Variants in THOC1 observed in about 807,000 individuals in gnomAD.
THOC1 encodes the protein THO complex subunit 1.
THOC1 carries 29 observed loss-of-function variants against 97.3 expected under a neutral mutation model. That is an observed-to-expected ratio of 0.30 (90% CI 0.22 to 0.41). The LOEUF is 0.41. Among genes scored for constraint, THOC1 ranks in the 10% least tolerant of loss-of-function variants. The pLI is 1.00. For missense variants in THOC1, 529 were observed against 761.9 expected (o/e 0.69, Z 3.60); for synonymous variants, 255 against 257.0 (o/e 0.99, Z 0.07).
chr18:228,995 C>T (rs1911391330), intron 11 of THOC1, among the ~76,000 whole-genome samples: 1 of 152,188 alleles, frequency 6.6e-6, no homozygotes, highest in South Asian at 2.1e-4. Context: ...ACTACTTTTG[C>T]CTTCAATGAG....
chr18:217,890 G>C (rs142424716), intron 18 of THOC1, among the ~76,000 whole-genome samples: 3 of 152,302 alleles, frequency 2.0e-5, no homozygotes, highest in African/African-American at 7.2e-5. Context: ...AAAGCAGAGG[G>C]GAGGCATGGC....
intron 11 of THOC1, among the ~76,000 whole-genome samples, chr18:231,687 G>A (rs1911490409): frequency 6.6e-6 from 1 of 152,090 alleles, no homozygotes; most frequent in Admixed American, 6.6e-5. Context: ...CATTGTTGAA[G>A]CTCCCTCTAT....
intron 5 of THOC1, 43 bp downstream of exon 5, chr18:260,143 A>G: frequency 2.3e-6 from 3 of 1,280,584 alleles, no homozygotes; most frequent in Non-Finnish European, 3.2e-6. Context: ...TTCTGGATCT[A>G]TAGAAAGATA....
chr18:224,999 GA>G lies in THOC1; in HGVS notation c.1138-6del. 6.4e-7 allele frequency: 1 copy of G among 1,569,140 alleles called. No individual in the cohort carries two copies. The highest frequency in any genetic ancestry group is 8.7e-7 in the Non-Finnish European group (1 of 1,154,876). Reference sequence around the variant, plus strand: ...TTCTTCAGTGTTTAATATATGCTGGGAAAAACAAAGCGATTACATTTTGGTT... The same window carrying G: ...TTCTTCAGTGTTTAATATATGCTGGGAAAACAAAGCGATTACATTTTGGTT... On this transcript the variant is annotated splice_region_variant and splice_polypyrimidine_tract_variant and intron_variant, in intron 14 of 20. Transcript: ENST00000261600.
At position 224,028 on chromosome 18, in the gene THOC1, A is replaced by G. The variant is rs1301803070; in HGVS notation, c.1304+56T>C. ...TTGGATGGAGAGTTCTTAAAGTAACATCTTCAAAATATAAAAATAACTAAG... is the reference window on the plus strand; with the variant it reads ...TTGGATGGAGAGTTCTTAAAGTAACGTCTTCAAAATATAAAAATAACTAAG... On this transcript the variant is annotated intron_variant, in intron 16 of 20. Transcript: ENST00000261600. The G allele has an allele frequency of 3.2e-6, 4 of 1,238,332 alleles. No homozygotes were observed. The Admixed American group carries it at 6.0e-5, about 19-fold the overall frequency. The allele number at this position is 1,238,332 out of a possible 1,614,324, so 76.7% of individuals were successfully genotyped here. A position where few individuals can be genotyped will look rare whatever the true frequency, so the allele number is the denominator to read the frequency against.
At chr18:263,166 C>T (rs1363905670) in intron 4 of THOC1, among the ~76,000 whole-genome samples, 3 of 152,156 alleles carry the variant, frequency 2.0e-5, no homozygotes, top group African/African-American at 7.2e-5. Flanking sequence ...CTGCAAGCTC[C>T]GCCTCCCGGG....
chr18:241,286 C>T (rs925876605), intron 11 of THOC1, among the ~76,000 whole-genome samples: 16 of 152,184 alleles, frequency 1.1e-4, no homozygotes, highest in African/African-American at 2.2e-4. Flanking sequence ...CCACCTTAGC[C>T]GTTACTACAT....
chr18:216,580 C>G lies in THOC1; in HGVS notation c.1508G>C (p.Arg503Thr). 1 of 1,613,938 alleles carries G rather than the reference C, an allele frequency of 6.2e-7. No homozygotes were observed. The highest frequency in any genetic ancestry group is 8.5e-7 in the Non-Finnish European group (1 of 1,179,868). The change falls in exon 19 of 21, where the codon AGA (arginine) becomes ACA (threonine). Residue 503 changes from arginine (R) to threonine (T), a missense_variant. By Grantham distance (71) the Arg-to-Thr change is moderately conservative. Coordinates refer to ENST00000261600, the MANE Select transcript of THOC1 (RefSeq NM_005131.3). ...GWRALRLLARRSPHFFQPTNQ... is the reference protein window; with the variant it reads ...GWRALRLLARTSPHFFQPTNQ... ...GGTTGGCTGGAAGAAGTGAGGGCTTCTCCGTGCTAATAGTCTCAGGGCTCT... is the reference window on the plus strand; with the variant it reads ...GGTTGGCTGGAAGAAGTGAGGGCTTGTCCGTGCTAATAGTCTCAGGGCTCT...
chr18:254,978 G>A lies in THOC1; in HGVS notation c.521-623C>T, dbSNP rs1912392164. On this transcript the variant is annotated intron_variant, in intron 7 of 20. Coordinates refer to ENST00000261600, the MANE Select transcript of THOC1 (RefSeq NM_005131.3). This position sits in a 1 kb window ranked among gnomAD's most constrained non-coding sequence, Gnocchi z 4.1. ...CTACAGGCAAGCACCACCATGCCTG[G>A]CTAAATTTTTTTGTATTTTTAGTAG... 6.6e-6 allele frequency among the ~76,000 whole-genome samples: 1 copy of A among 152,040 alleles called. No individual in the cohort carries two copies.
intron 4 of THOC1, 53 bp from the exon 5 acceptor site, chr18:260,357 T>G (rs925523936): frequency 1.8e-6 from 2 of 1,126,100 alleles, no homozygotes; most frequent in Admixed American, 3.3e-5. Flanking sequence ...TAGAGTAGAA[T>G]AGCCTATGAA....
chr18:246,636 AT>A (rs1370666617), intron 10 of THOC1, among the ~76,000 whole-genome samples, 181 bp from the exon 11 acceptor site: 1 of 152,126 alleles, frequency 6.6e-6, no homozygotes, highest in Admixed American at 6.5e-5. Context: ...TTTGTATGAT[AT>A]TTCACTTGTT....
rs1310052768 is a variant in THOC1, at chr18:261,991, C to T, written c.257-1687G>A. Among the ~76,000 whole-genome samples the T allele has an allele frequency of 2.0e-5, 3 of 152,210 alleles. No homozygotes were observed. In the East Asian group the frequency reaches 5.8e-4, roughly 29 times the overall value. ...TCTCTCCTTACCCTTACCTGGGCCA[C>T]AGACATCCCTTTCTAGTTCCCACTC... On this transcript the variant is annotated intron_variant, in intron 4 of 20. Coordinates refer to ENST00000261600, the MANE Select transcript of THOC1 (RefSeq NM_005131.3).
At chr18:246,598 A>G (rs1338623994) in intron 10 of THOC1, 143 bp from the exon 11 acceptor site, 1 of 639,034 alleles carries the variant, frequency 1.6e-6, no homozygotes, top group Non-Finnish European at 2.6e-6. Flanking sequence ...AATACAAATT[A>G]TGATAGCAGA....
At chr18:259,085 A>T in intron 7 of THOC1, 95 bp downstream of exon 7, 1 of 932,958 alleles carries the variant, frequency 1.1e-6, no homozygotes, top group Non-Finnish European at 1.6e-6. Context: ...TCAACTTTTT[A>T]GAACCATTTT....
intron 11 of THOC1, among the ~76,000 whole-genome samples, chr18:233,635 G>A (rs1006736392): frequency 6.6e-6 from 1 of 152,072 alleles, no homozygotes; most frequent in East Asian, 1.9e-4. Context: ...AGTTTATAAT[G>A]CAATCTTCTT....
intron 17 of THOC1, among the ~76,000 whole-genome samples, chr18:221,829 C>CT (rs1468987201): frequency 6.6e-6 from 1 of 152,046 alleles, no homozygotes; most frequent in Non-Finnish European, 1.5e-5. Context: ...ACGATGGTCT[C>CT]TATCTCCTGA....
intron 9 of THOC1, among the ~76,000 whole-genome samples, chr18:248,813 C>CG (rs1439172837): frequency 1.3e-5 from 2 of 151,862 alleles, no homozygotes; most frequent in African/African-American, 4.8e-5. Context: ...GGCAGTGGTG[C>CG]GATCTCAGCT....
chr18:266,222 T>C (rs565444745), intron 1 of THOC1, among the ~76,000 whole-genome samples: 2 of 152,362 alleles, frequency 1.3e-5, no homozygotes, highest in East Asian at 1.9e-4. Flanking sequence ...ACTTAGAAAG[T>C]CATCTTATTA....
At chr18:258,659 C>T (rs563760598) in intron 7 of THOC1, among the ~76,000 whole-genome samples, 6 of 152,222 alleles carry the variant, frequency 3.9e-5, no homozygotes, top group Admixed American at 6.5e-5. Context: ...ATTAAAATCT[C>T]GCATATTTGA....
Sources: gnomAD v4.1 joint callset for allele counts (sites outside exome capture counted in the v4.1 genomes callset) on GRCh38, gnomAD v4.1.1 for gene constraint, Gnocchi (gnomAD v3.1) non-coding constraint, MANE v1.5 for transcripts, NCBI Gene and HGNC (gene_info 2026-07-23, HGNC 2026-07-21) for gene names.